Variants in PHF20 observed in about 807,000 individuals in gnomAD.
PHF20 encodes glioma-expressed antigen 2.
PHF20 carries 23 observed loss-of-function variants against 113.5 expected under a neutral mutation model. The observed-to-expected ratio is 0.20, with a 90% CI of 0.15 to 0.29. The LOEUF is 0.29. Ranked by LOEUF, PHF20 falls within the 10% of genes least tolerant of loss-of-function variation. PHF20 has a pLI of 1.00. For synonymous variants in PHF20, 434 were observed against 457.3 expected (o/e 0.95, Z 0.65); for missense variants, 943 against 1,219.6 (o/e 0.77, Z 3.38).
intron 2 of PHF20, among the ~76,000 whole-genome samples, chr20:35,817,794 T>C (rs1402889241): frequency 6.6e-6 from 1 of 151,678 alleles, no homozygotes; most frequent in African/African-American, 2.4e-5. Context: ...ATACCCTGTC[T>C]CAAAAAAATT....
intron 9 of PHF20, among the ~76,000 whole-genome samples, chr20:35,889,009 CTTTTT>C (rs566960589): frequency 2.4e-4 from 24 of 99,216 alleles, no homozygotes; most frequent in African/African-American, 7.9e-4. Context: ...CTCTTAGTTT[CTTTTT>C]TTTTTTTTTT....
intron 9 of PHF20, among the ~76,000 whole-genome samples, chr20:35,883,229 C>G (rs1568702186): frequency 6.6e-6 from 1 of 151,880 alleles, no homozygotes; most frequent in African/African-American, 2.4e-5. Flanking sequence ...AAAACAAAAA[C>G]AAAAACAATT....
chr20:35,934,165 C>G (rs577291939), intron 15 of PHF20, among the ~76,000 whole-genome samples: 1 of 152,240 alleles, frequency 6.6e-6, no homozygotes, highest in Non-Finnish European at 1.5e-5. Context: ...TGGTGTCAGG[C>G]AGAGTGGAGT....
chr20:35,860,930 T>C (rs1298805069), intron 5 of PHF20, among the ~76,000 whole-genome samples: 1 of 152,116 alleles, frequency 6.6e-6, no homozygotes. Flanking sequence ...GTGCTTTGGC[T>C]TGGAGGTGGG....
intron 3 of PHF20, among the ~76,000 whole-genome samples, chr20:35,844,178 C>A (rs961517634): frequency 6.6e-6 from 1 of 152,016 alleles, no homozygotes; most frequent in Non-Finnish European, 1.5e-5. Flanking sequence ...TCTCACCTCA[C>A]TGCAACCTCC....
Position 35,949,554 on chromosome 20 carries a change from G to A in PHF20, c.*1927G>A, listed in dbSNP as rs2056141702. The A allele has an allele frequency of 1.3e-5, 2 of 152,616 alleles. No homozygotes were observed. The highest frequency in any genetic ancestry group is 4.1e-4 in the South Asian group (2 of 4,834). The allele number at this position is 152,616 out of a possible 1,614,324, so 9.5% of individuals were successfully genotyped here. A position where few individuals can be genotyped will look rare whatever the true frequency, so the allele number is the denominator to read the frequency against. On this transcript the variant is annotated 3_prime_UTR_variant, in exon 18 of 18. Transcript: ENST00000374012. ...GATTATTGTTTAAATTTTTGGTAAA[G>A]GAAGTAATCTCCTTTCATTCATTGT...
intron 10 of PHF20, among the ~76,000 whole-genome samples, chr20:35,906,276 AAAG>A (rs1158474840): frequency 1.3e-5 from 2 of 152,214 alleles, no homozygotes; most frequent in African/African-American, 2.4e-5. Flanking sequence ...CTTAAAACAA[AAAG>A]AGCAGTGTGA....
intron 9 of PHF20, among the ~76,000 whole-genome samples, chr20:35,890,130 C>T (rs1346004010): frequency 6.6e-6 from 1 of 152,122 alleles, no homozygotes; most frequent in Non-Finnish European, 1.5e-5. Context: ...TGGGTTCAGC[C>T]TGTCCTCCTG....
rs1469428036 is a variant in PHF20, at chr20:35,941,065, G to GC, written c.2896+23dup. ...GTTGGATGGTAGGGCTCCTTCATTGGCCCCCTGTGCATTGGCATGCAGTCG... is the reference window on the plus strand; with the variant it reads ...GTTGGATGGTAGGGCTCCTTCATTGGCCCCCCTGTGCATTGGCATGCAGTCG... On this transcript the variant is annotated intron_variant, in intron 17 of 17. Coordinates refer to ENST00000374012, the MANE Select transcript of PHF20 (RefSeq NM_016436.5). 2 of 1,604,578 alleles carry GC rather than the reference G, an allele frequency of 1.2e-6. No individual in the cohort carries two copies. The highest frequency in any genetic ancestry group is 1.7e-6 in the Non-Finnish European group (2 of 1,173,726).
intron 2 of PHF20, among the ~76,000 whole-genome samples, chr20:35,823,957 T>TA (rs2042219240): frequency 6.6e-6 from 1 of 152,260 alleles, no homozygotes; most frequent in South Asian, 2.1e-4. Context: ...TGGATGGATA[T>TA]ACCACAGCTT....
chr20:35,809,282 T>A (rs1025600593), intron 2 of PHF20, among the ~76,000 whole-genome samples: 7 of 151,352 alleles, frequency 4.6e-5, no homozygotes, highest in Non-Finnish European at 8.8e-5. Context: ...AACTTAACAT[T>A]TAAAAGATAT....
intron 2 of PHF20, among the ~76,000 whole-genome samples, chr20:35,813,419 T>A (rs554269089): frequency 1.3e-5 from 2 of 152,356 alleles, no homozygotes; most frequent in African/African-American, 4.8e-5. Context: ...TTTGTTCTTT[T>A]GACAATTCCT....
chr20:35,791,895 A>G (rs930253368), intron 1 of PHF20, among the ~76,000 whole-genome samples: 2 of 152,056 alleles, frequency 1.3e-5, no homozygotes, highest in African/African-American at 4.8e-5. Context: ...GATGGGGACA[A>G]AAGGAGAAGG....
chr20:35,821,024 G>A lies in PHF20; in HGVS notation c.83+19419G>A, dbSNP rs531479054. Among the ~76,000 whole-genome samples the A allele has an allele frequency of 3.9e-5, 6 of 152,184 alleles. No homozygotes were observed. The South Asian group carries it at 1.2e-3, about 32-fold the overall frequency. On this transcript the variant is annotated intron_variant, in intron 2 of 17. Transcript: ENST00000374012. ...GTAGAGAGTGAGAGGCCAGAGGTAG[G>A]AGGTGAGCCCAGAAAGGTCAGCAGG...
chr20:35,810,531 G>A (rs1213443714), intron 2 of PHF20, among the ~76,000 whole-genome samples: 1 of 152,120 alleles, frequency 6.6e-6, no homozygotes, highest in Non-Finnish European at 1.5e-5. Context: ...AAGTGGGAGA[G>A]TACCCTCATG....
intron 10 of PHF20, among the ~76,000 whole-genome samples, chr20:35,902,279 C>G (rs943135070): frequency 1.3e-5 from 2 of 152,108 alleles, no homozygotes; most frequent in African/African-American, 4.8e-5. Context: ...GTGTCAGGAG[C>G]CAGTAGAAAT....
intron 10 of PHF20, among the ~76,000 whole-genome samples, chr20:35,908,516 G>C (rs1056322850): frequency 6.6e-6 from 1 of 152,206 alleles, no homozygotes; most frequent in African/African-American, 2.4e-5. Context: ...ATTTCACTAA[G>C]CTGATGGGTA....
At chr20:35,874,386 G>A (rs2054480311) in intron 9 of PHF20, among the ~76,000 whole-genome samples, 1 of 152,118 alleles carries the variant, frequency 6.6e-6, no homozygotes, top group Non-Finnish European at 1.5e-5. Context: ...TATTTCCAAT[G>A]TTCTTTATTT....
chr20:35,793,052 G>A (rs1193605803), intron 1 of PHF20, among the ~76,000 whole-genome samples: 1 of 152,140 alleles, frequency 6.6e-6, no homozygotes, highest in Non-Finnish European at 1.5e-5. Context: ...TCCTCTTGGA[G>A]GCTTCTTCCT....
Sources: gnomAD v4.1 joint callset for allele counts (sites outside exome capture counted in the v4.1 genomes callset) on GRCh38, gnomAD v4.1.1 for gene constraint, MANE v1.5 for transcripts, NCBI Gene and HGNC (gene_info 2026-07-23, HGNC 2026-07-21) for gene names.